The following POLR1B variants were observed in gnomAD, a reference collection of about 807,000 sequenced individuals.
POLR1B encodes the protein DNA-directed RNA polymerase I subunit RPA2.
In POLR1B, 30 loss-of-function variants were observed where a neutral mutation model predicts 105.8. The ratio of observed to expected loss-of-function variants is 0.28; its 90% confidence interval spans 0.21 to 0.38. POLR1B has a LOEUF of 0.38. POLR1B is among the 10% of genes least tolerant of loss of function. POLR1B has a pLI of 1.00. For synonymous variants in POLR1B, 485 were observed against 505.1 expected (o/e 0.96, Z 0.53); for missense variants, 976 against 1,435.8 (o/e 0.68, Z 5.17).
In POLR1B at chr2:112,552,966, G is replaced by A. The variant is rs9808491; in HGVS notation, c.1158+150G>A. 70,420 of 677,992 alleles carry A rather than the reference G, an allele frequency of 0.1. 5,421 individuals carry two copies. Among genetic ancestry groups the A allele is most frequent in the East Asian group, 0.31 (8,975 of 29,302 alleles). The allele number at this position is 677,992 out of a possible 1,614,324, so 42.0% of individuals were successfully genotyped here. A position where few individuals can be genotyped will look rare whatever the true frequency, so the allele number is the denominator to read the frequency against. ...TTTGTTTGTTCATTTAGCAGTAAGG[G>A]GATCAGAAATCCTGGCTTACACCAG... is the stretch of plus-strand genomic sequence containing the variant. On this transcript the variant is annotated intron_variant, in intron 7 of 14. Transcript: ENST00000263331.
rs753020943 is a variant in POLR1B, at chr2:112,564,483, C to G, written c.1730C>G (p.Ser577Cys). 2 of 1,614,234 alleles carry G rather than the reference C, an allele frequency of 1.2e-6. No individual in the cohort carries two copies. The highest frequency in any genetic ancestry group is 4.5e-5 in the East Asian group (2 of 44,886). ...DKDLAPGIAD[S>C]LRHFKVLREK... The stretch of plus-strand genomic sequence containing the variant: ...GATCTTGCTCCAGGCATCGCAGATT[C>G]TCTTCGTCATTTTAAGGTGGGCTTG... Residue 577 changes from serine to cysteine, a missense_variant, in exon 10 of 15, where the codon TCT becomes TGT. Physicochemically the swap from Ser to Cys is moderately radical, Grantham distance 112. This residue lies in a region of POLR1B where 184 missense variants were observed against 197.4 expected (regional missense o/e 0.93). Coordinates refer to ENST00000263331, the MANE Select transcript of POLR1B (RefSeq NM_019014.6).
rs531377782 is a variant in POLR1B at position 112,578,760 on chromosome 2, A to G, written c.*3031A>G. On this transcript the variant is annotated 3_prime_UTR_variant, in exon 15 of 15. Transcript: ENST00000263331. The stretch of plus-strand genomic sequence containing the variant: ...GCTATATGTACTATATGTCCTCTAT[A>G]TATTTTTTCTATACATACATACCTT... 6.6e-6 allele frequency among the ~76,000 whole-genome samples: 1 copy of G among 152,282 alleles called. No homozygotes were observed. The highest frequency in any genetic ancestry group is 1.5e-5 in the Non-Finnish European group (1 of 68,034).
intron 7 of POLR1B, 26 bp from the exon 8 acceptor site, chr2:112,557,884 A>G (rs745672725): frequency 1.7e-6 from 2 of 1,189,626 alleles, no homozygotes; most frequent in South Asian, 6.7e-5. Context: ...ATACTATTTT[A>G]TATTAATTTT....
chr2:112,559,243 C>A, intron 8 of POLR1B, 50 bp from the exon 9 acceptor site: 1 of 1,598,296 alleles, frequency 6.3e-7, no homozygotes, highest in Non-Finnish European at 8.5e-7. Flanking sequence ...TCAACAATTT[C>A]CATTTTTCAA....
chr2:112,552,243 A>G (rs1328392262), intron 6 of POLR1B, among the ~76,000 whole-genome samples: 1 of 152,244 alleles, frequency 6.6e-6, no homozygotes, highest in African/African-American at 2.4e-5. Flanking sequence ...TCAGACTTCC[A>G]GAATAATGTC....
chr2:112,552,746 A>T lies in POLR1B; in HGVS notation c.1088A>T (p.Glu363Val), dbSNP rs1201745509. 6.2e-7 allele frequency: 1 copy of T among 1,611,894 alleles called. No homozygotes were observed. The highest frequency in any genetic ancestry group is 1.7e-5 in the Admixed American group (1 of 59,546). The change falls in exon 7 of 15, where the codon GAG becomes GTG. Residue 363 changes from glutamate (E) to valine (V), a missense_variant. Glu to Val is a moderately radical substitution (Grantham distance 121). Transcript: ENST00000263331. Reference sequence around the variant, plus strand: ...GCTTTAGCCAAAGGAGAGTGCATGGAGGACAATCCTGATAGTTTGGTGAAC... The same window carrying T: ...GCTTTAGCCAAAGGAGAGTGCATGGTGGACAATCCTGATAGTTTGGTGAAC... The part of the protein sequence containing the change: ...LFALAKGECM[E>V]DNPDSLVNQE...
intron 9 of POLR1B, among the ~76,000 whole-genome samples, chr2:112,563,643 AT>A (rs1302275879): frequency 7.9e-5 from 12 of 152,252 alleles, no homozygotes; most frequent in South Asian, 2.1e-4. Flanking sequence ...TAGGCCTGTA[AT>A]TCCAGCACTT....
chr2:112,575,707 A>G lies in POLR1B; in HGVS notation c.3386A>G (p.Lys1129Arg), dbSNP rs765058382. ...FVAELAAMNI[K>R]VKLDVV is the part of the protein sequence containing the mutation. ...GCTGAACTGGCAGCTATGAACATCA[A>G]AGTGAAACTGGATGTTGTTTAACTT... The change falls in exon 15 of 15, where the codon AAA becomes AGA. Residue 1129 changes from lysine (K) to arginine (R), a missense_variant. By Grantham distance (26) the Lys-to-Arg change is conservative (BLOSUM62 2). Transcript: ENST00000263331. This position sits in a 1 kb window ranked among gnomAD's most constrained non-coding sequence, Gnocchi z 5.3. The G allele has an allele frequency of 3.7e-6, 6 of 1,611,034 alleles. No individual in the cohort carries two copies. The Admixed American group carries it at 6.7e-5, about 18-fold the overall frequency.
intron 9 of POLR1B, among the ~76,000 whole-genome samples, chr2:112,563,038 C>A (rs1436184767): frequency 6.9e-6 from 1 of 144,774 alleles, no homozygotes; most frequent in East Asian, 2.1e-4. Context: ...CAGCTTGTGA[C>A]AATTTCTTTC....
rs377489513 is a variant in POLR1B at position 112,567,956 on chromosome 2, G to A, written c.1747-11G>A. 22 of 1,611,706 alleles carry A rather than the reference G, an allele frequency of 1.4e-5. No homozygotes were observed. In the African/African-American group the frequency reaches 2.8e-4, roughly 21 times the overall value. On this transcript the variant is annotated splice_polypyrimidine_tract_variant and intron_variant, in intron 10 of 14. Transcript: ENST00000263331. Reference sequence around the variant, plus strand: ...GACAGGTTTGTTAAACTCTGTTTTTGTTAAAAACAGGTGTTGAGAGAGAAA... The same window carrying A: ...GACAGGTTTGTTAAACTCTGTTTTTATTAAAAACAGGTGTTGAGAGAGAAA...
chr2:112,574,725 A>AAT, intron 14 of POLR1B, 122 bp from the exon 15 acceptor site: 1 of 14,370 alleles, frequency 7.0e-5, no homozygotes, highest in Non-Finnish European at 1.2e-4. Context: ...CTGTATCATA[A>AAT]AAAAAAAAAA....
At chr2:112,545,422 T>C (rs147554375) in intron 1 of POLR1B, among the ~76,000 whole-genome samples, 115 of 152,202 alleles carry the variant, frequency 7.6e-4, no homozygotes, top group African/African-American at 2.6e-3. Flanking sequence ...TAATACAAGA[T>C]TGTGTGTTGA....
intron 6 of POLR1B, 119 bp downstream of exon 6, chr2:112,552,117 A>G: frequency 1.3e-6 from 1 of 746,000 alleles, no homozygotes; most frequent in Non-Finnish European, 2.1e-6. Context: ...TTGGGGTAGA[A>G]TCCTGGTCCT....
At chr2:112,542,199 C>T, upstream of POLR1B, 1 of 1,535,668 alleles carries the variant, frequency 6.5e-7, no homozygotes, top group Non-Finnish European at 8.7e-7. Context: ...GAGCGGGTTT[C>T]CACCTGCGGC....
At chr2:112,552,600 A>G (rs1683427305) in intron 6 of POLR1B, 45 bp from the exon 7 acceptor site, 2 of 1,475,044 alleles carry the variant, frequency 1.4e-6, no homozygotes, top group Non-Finnish European at 1.8e-6. Flanking sequence ...AAGTAGTATT[A>G]CCAACTGAAT....
At chr2:112,559,884 C>G (rs930405867) in intron 9 of POLR1B, among the ~76,000 whole-genome samples, 2 of 152,112 alleles carry the variant, frequency 1.3e-5, no homozygotes, top group Non-Finnish European at 2.9e-5. Flanking sequence ...CCTGCCTCGG[C>G]CTCCCAAAGT....
At position 112,575,580 on chromosome 2, in the gene POLR1B, T is replaced by C. The variant is rs1684824320; in HGVS notation, c.3259T>C (p.Ser1087Pro). The C allele has an allele frequency of 6.2e-7, 1 of 1,614,178 alleles. No individual in the cohort carries two copies. Among genetic ancestry groups the C allele is most frequent in the South Asian group, 1.1e-5 (1 of 91,082 alleles). Residue 1087 changes from serine to proline, a missense_variant, in exon 15 of 15, where the codon TCT becomes CCT. Around this residue, in one of 12 missense-constraint regions of POLR1B, gnomAD observed 77 missense variants for 104.5 expected, o/e 0.74. Coordinates refer to ENST00000263331, the MANE Select transcript of POLR1B (RefSeq NM_019014.6). The surrounding 1 kb of genome is among the most constrained non-coding windows in gnomAD (Gnocchi z 5.3). ...TCCACTGTTGGAGAAGCCACCCCCTTCTTGGTCTGCCATGCGCAACAGAAA... is the reference window on the plus strand; with the variant it reads ...TCCACTGTTGGAGAAGCCACCCCCTCCTTGGTCTGCCATGCGCAACAGAAA... ...LSPLLEKPPP[S>P]WSAMRNRKYN...
chr2:112,555,385 A>C (rs535674929), intron 7 of POLR1B, among the ~76,000 whole-genome samples: 1 of 152,280 alleles, frequency 6.6e-6, no homozygotes, highest in East Asian at 1.9e-4. Context: ...TCACACCTGT[A>C]ATCCCAGCAC....
intron 7 of POLR1B, among the ~76,000 whole-genome samples, chr2:112,556,877 A>G (rs1683689114): frequency 6.6e-6 from 1 of 152,326 alleles, no homozygotes; most frequent in East Asian, 1.9e-4. Flanking sequence ...TTTTCCATAT[A>G]TGTCAATAAT....
Sources: allele counts gnomAD v4.1 joint callset (sites outside exome capture counted in the v4.1 genomes callset), GRCh38; gene constraint gnomAD v4.1.1; regional missense constraint gnomAD v4.1.1; non-coding constraint Gnocchi (gnomAD v3.1); transcripts MANE v1.5; gene names NCBI Gene and HGNC (gene_info 2026-07-23, HGNC 2026-07-21).